Variants in GULP1 observed in about 807,000 individuals in gnomAD.
GULP1 encodes GULP PTB domain containing engulfment adaptor 1, also known as PTB domain-containing engulfment adapter protein 1.
A neutral mutation model predicts 40.9 loss-of-function variants in GULP1; 19 were observed. The observed-to-expected ratio is 0.46, with a 90% confidence interval of 0.32 to 0.68. GULP1 has a LOEUF of 0.68. Ranked by LOEUF, GULP1 falls within the 30% of genes least tolerant of loss-of-function variation. The pLI is 0.03. For synonymous variants in GULP1, 119 were observed against 117.6 expected, an observed-to-expected ratio of 1.01 and a Z score of -0.08; for missense variants, 312 against 362.2, an observed-to-expected ratio of 0.86 and a Z score of 1.12.
intron 1 of GULP1, among the ~76,000 whole-genome samples, chr2:188,380,223 A>G (rs1420402152): frequency 6.6e-6 from 1 of 152,172 alleles, no homozygotes; most frequent in Admixed American, 6.5e-5. Flanking sequence ...AATCATCCTA[A>G]TATCACCTTC....
At chr2:188,299,257 C>T (rs2035669247) in intron 1 of GULP1, among the ~76,000 whole-genome samples, 1 of 151,680 alleles carries the variant, frequency 6.6e-6, no homozygotes, top group African/African-American at 2.4e-5. Flanking sequence ...TGACTAAGGA[C>T]AGAGCAGGTG....
chr2:188,356,510 A>G lies in GULP1; in HGVS notation c.-171-27253A>G, dbSNP rs2045338163. On this transcript the variant is annotated intron_variant, in intron 1 of 11. Transcript: ENST00000409830. ...AAATATTTCTACAAGAAAAACTACAAAACATTGATGAGAGAAATTGAGAAG... is the reference window on the plus strand; with the variant it reads ...AAATATTTCTACAAGAAAAACTACAGAACATTGATGAGAGAAATTGAGAAG... Among the ~76,000 whole-genome samples the G allele has an allele frequency of 2.6e-5, 4 of 152,128 alleles. No individual in the cohort carries two copies. In the South Asian group the frequency reaches 8.3e-4, roughly 31 times the overall value.
At chr2:188,426,492 T>C (rs6725860) in intron 2 of GULP1, among the ~76,000 whole-genome samples, 30,726 of 152,040 alleles carry the variant, frequency 0.2, 3,303 homozygotes, top group African/African-American at 0.26. Flanking sequence ...GATTCCCCCA[T>C]AAGAGACAGC....
chr2:188,336,613 G>A (rs1272967752), intron 1 of GULP1, among the ~76,000 whole-genome samples: 2 of 152,152 alleles, frequency 1.3e-5, no homozygotes, highest in Non-Finnish European at 2.9e-5. Context: ...CCTGGAATGT[G>A]GTGGGAGACA....
At chr2:188,306,400 T>C (rs530824942) in intron 1 of GULP1, among the ~76,000 whole-genome samples, 1 of 152,336 alleles carries the variant, frequency 6.6e-6, no homozygotes, top group Admixed American at 6.5e-5. Flanking sequence ...TTTCATCATT[T>C]TGTCTTTCTT....
chr2:188,539,356 CAG>C (rs945651093), intron 6 of GULP1, among the ~76,000 whole-genome samples: 2 of 151,796 alleles, frequency 1.3e-5, no homozygotes, highest in African/African-American at 2.4e-5. Context: ...TATCGTGTAA[CAG>C]AGAGCTGTTA....
Position 188,541,332 on chromosome 2 carries a change from A to T in GULP1, c.399+14A>T. On this transcript the variant is annotated intron_variant, in intron 7 of 11. Coordinates refer to ENST00000409830, the MANE Select transcript of GULP1 (RefSeq NM_016315.4). ...AGCGAAAAGTGTGTAAGTATCCCAG[A>T]TGTTGTAGGGTGGTTTGTTCTGTTT... The T allele has an allele frequency of 6.2e-6, 10 of 1,610,070 alleles. No individual in the cohort carries two copies. Among genetic ancestry groups the T allele is most frequent in the Non-Finnish European group, 8.5e-6 (10 of 1,176,408 alleles).
intron 2 of GULP1, among the ~76,000 whole-genome samples, chr2:188,452,657 C>A (rs1276760006): frequency 6.6e-6 from 1 of 152,176 alleles, no homozygotes; most frequent in Non-Finnish European, 1.5e-5. Context: ...ACTGCTGATA[C>A]TGTGACATGT....
At chr2:188,293,774 A>T (rs1440815738) in intron 1 of GULP1, 1 of 152,232 alleles carries the variant, frequency 6.6e-6, no homozygotes, top group African/African-American at 2.4e-5. Flanking sequence ...AGTTTTTACG[A>T]CTGACAAGGA....
intron 4 of GULP1, among the ~76,000 whole-genome samples, chr2:188,518,133 A>G (rs2065372700): frequency 6.6e-6 from 1 of 152,156 alleles, no homozygotes; most frequent in Non-Finnish European, 1.5e-5. Context: ...TGTCCCTGGA[A>G]TGTAAGCATT....
chr2:188,318,140 G>T (rs183065186), intron 1 of GULP1, among the ~76,000 whole-genome samples: 99 of 152,252 alleles, frequency 6.5e-4, no homozygotes, highest in African/African-American at 2.3e-3. Flanking sequence ...AATCAGTCAT[G>T]ATCTAGAAAG....
Position 188,309,223 on chromosome 2 carries a change from T to C in GULP1, c.-172+17057T>C, listed in dbSNP as rs113644604. 1.1e-4 allele frequency among the ~76,000 whole-genome samples: 17 copies of C among 152,238 alleles called. No individual in the cohort carries two copies. The Middle Eastern group carries it at 0.014, about 122-fold the overall frequency. ...GCTCACACCTGTAATCCCAGCACTT[T>C]GGGAGGTTGAGGTGGGCAGGTTGCT... is the stretch of plus-strand genomic sequence containing the variant. On this transcript the variant is annotated intron_variant, in intron 1 of 11. Coordinates refer to ENST00000409830, the MANE Select transcript of GULP1 (RefSeq NM_016315.4).
Position 188,477,723 on chromosome 2 carries a change from G to T in GULP1, c.21G>T (p.Arg7Ser). 1 of 1,602,298 alleles carries T rather than the reference G, an allele frequency of 6.2e-7. No homozygotes were observed. Among genetic ancestry groups the T allele is most frequent in the African/African-American group, 1.3e-5 (1 of 74,286 alleles). The change falls in exon 3 of 12, where the codon AGG becomes AGT. Residue 7 changes from arginine to serine, a missense_variant. Transcript: ENST00000409830. MNRAFS[R>S]KKDKTWMHTP... ...TCATCATGAACCGTGCTTTTAGCAG[G>T]AAGAAAGGTAAGTGTGGTCATTTTT...
chr2:188,339,454 A>T (rs2042689517), intron 1 of GULP1, among the ~76,000 whole-genome samples: 1 of 152,170 alleles, frequency 6.6e-6, no homozygotes, highest in Non-Finnish European at 1.5e-5. Flanking sequence ...ACCCTAGAAC[A>T]TCTTTTTGGC....
chr2:188,326,096 T>G (rs550096692), intron 1 of GULP1, among the ~76,000 whole-genome samples: 23 of 152,258 alleles, frequency 1.5e-4, no homozygotes, highest in Admixed American at 1.4e-3. Context: ...TGATTAACCC[T>G]ACTCATCTTC....
chr2:188,500,738 A>G (rs2063351242), intron 4 of GULP1, among the ~76,000 whole-genome samples: 1 of 151,902 alleles, frequency 6.6e-6, no homozygotes. Flanking sequence ...AGTCAAAATT[A>G]TATAGTTTGT....
Position 188,436,244 on chromosome 2 carries a change from C to G in GULP1, c.-44-41415C>G, listed in dbSNP as rs539762527. 1.5e-4 allele frequency among the ~76,000 whole-genome samples: 23 copies of G among 152,060 alleles called. 1 individual carries two copies. The Middle Eastern group carries it at 0.017, about 112-fold the overall frequency. ...TGTTTTTGTTTGTTTGTTTGTTTTG[C>G]TATTCTGGTTGTATTATCTTTTATT... On this transcript the variant is annotated intron_variant, in intron 2 of 11. Coordinates refer to ENST00000409830, the MANE Select transcript of GULP1 (RefSeq NM_016315.4).
chr2:188,501,269 C>T (rs1014853913), intron 4 of GULP1, among the ~76,000 whole-genome samples: 1 of 151,804 alleles, frequency 6.6e-6, no homozygotes, highest in Admixed American at 6.6e-5. Flanking sequence ...CTCATGAGAT[C>T]TGATGGCTTA....
chr2:188,470,110 T>C (rs2060466129), intron 2 of GULP1, among the ~76,000 whole-genome samples: 1 of 152,210 alleles, frequency 6.6e-6, no homozygotes, highest in Non-Finnish European at 1.5e-5. Flanking sequence ...TCCTCTATTT[T>C]TTGGAATACT....
Sources: gnomAD v4.1 joint callset for allele counts (sites outside exome capture counted in the v4.1 genomes callset) on GRCh38, gnomAD v4.1.1 for gene constraint, MANE v1.5 for transcripts, NCBI Gene and HGNC (gene_info 2026-07-23, HGNC 2026-07-21) for gene names.